The following AQP12B variants were observed in gnomAD, a reference collection of about 807,000 sequenced individuals.
AQP12B encodes the protein aquaporin 12B, also known as putative aquaporin-12B.
AQP12B carries 8 observed loss-of-function variants against 11.5 expected under a neutral mutation model. The observed-to-expected ratio is 0.70, with a 90% confidence interval of 0.41 to 1.26. The LOEUF (loss-of-function observed/expected upper bound fraction) is 1.26, where lower values mean the gene tolerates loss of function less well. Among genes scored for constraint, AQP12B ranks in the 50% most tolerant of loss-of-function variants. The pLI is 0.01. For missense variants in AQP12B, 247 were observed against 322.0 expected (o/e 0.77, Z 1.78); for synonymous variants, 123 against 158.0 (o/e 0.78, Z 1.66).
chr2:240,681,440 C>G (rs1443467773), intron 1 of AQP12B, among the ~76,000 whole-genome samples: 3 of 69,758 alleles, frequency 4.3e-5, no homozygotes, highest in African/African-American at 1.6e-4. Flanking sequence ...GGTGTCTGCC[C>G]AGTGCTGGGT....
chr2:240,683,495 C>T (rs138721345), upstream of AQP12B, among the ~76,000 whole-genome samples: 46 of 150,492 alleles, frequency 3.1e-4, no homozygotes, highest in Middle Eastern at 3.4e-3. Flanking sequence ...GTGAGTGCCC[C>T]CTGCTCCCTG....
chr2:240,682,706 C>G lies in AQP12B; in HGVS notation c.132G>C (p.Ala44=), dbSNP rs543814740. 7.3e-5 allele frequency: 118 copies of G among 1,613,386 alleles called. No individual in the cohort carries two copies. Among genetic ancestry groups the G allele is most frequent in the Non-Finnish European group, 3.2e-5 (38 of 1,179,808 alleles). Residue 44 remains alanine, a synonymous_variant, in exon 1 of 3, where the codon GCG becomes GCC. Coordinates refer to ENST00000407834, the MANE Select transcript of AQP12B (RefSeq NM_001102467.2). ...YEVFAREAVG[A]VQLGACFLEM... ...CCAGGAAGCAGGCCCCGAGCTGCAC[C>G]GCGCCCACCGCCTCCCGGGCGAAGA...
chr2:240,682,940 G>A (rs2043963907), upstream of AQP12B: 2 of 1,467,162 alleles, frequency 1.4e-6, no homozygotes, highest in Admixed American at 1.9e-5. Flanking sequence ...TGTGGGAGAG[G>A]GCACCTGGGC....
chr2:240,682,576 C>A lies in AQP12B; in HGVS notation c.262G>T (p.Asp88Tyr), dbSNP rs777816086. The A allele has an allele frequency of 4.3e-6, 7 of 1,613,284 alleles. No individual in the cohort carries two copies. The change falls in exon 1 of 3, where the codon GAC becomes TAC. Residue 88 changes from aspartate to tyrosine, a missense_variant. Asp to Tyr is a radical substitution (Grantham distance 160). Coordinates refer to ENST00000407834, the MANE Select transcript of AQP12B (RefSeq NM_001102467.2). ...LLFLAHGVTL[D>Y]GASANPTVSL... ...ACGGTGGGGTTGGCCGAGGCCCCGT[C>A]CAAGGTGACCCCGTGCGCCAGGAAG... is the stretch of plus-strand genomic sequence containing the variant.
Position 240,680,960 on chromosome 2 carries a change from G to A in AQP12B, c.608-492C>T, listed in dbSNP as rs1199104110. ...GACAGAGAGAGAGAGGAGAGACAGA[G>A]AGAGATCTCAGAAATAAAGGAGCAG... On this transcript the variant is annotated intron_variant, in intron 1 of 2. Transcript: ENST00000407834. Among the ~76,000 whole-genome samples, 2 of 95,836 alleles carry A rather than the reference G, an allele frequency of 2.1e-5. 1 individual carries two copies. Among genetic ancestry groups the A allele is most frequent in the African/African-American group, 1.2e-4 (2 of 17,162 alleles). The allele number at this position is 95,836 out of a possible 152,430, so 62.9% of individuals were successfully genotyped here.
At position 240,680,880 on chromosome 2, in the gene AQP12B, G is replaced by GAC. The variant is rs1475341943; in HGVS notation, c.608-414_608-413dup. Reference sequence around the variant, plus strand: ...AAAAAGACACAGAGAGAGACAGGGAGACAGAGAGAGAGGAGAGACAGAGAG... The same window carrying GAC: ...AAAAAGACACAGAGAGAGACAGGGAGACACAGAGAGAGAGGAGAGACAGAGAG... On this transcript the variant is annotated intron_variant, in intron 1 of 2. Transcript: ENST00000407834. 2.3e-4 allele frequency among the ~76,000 whole-genome samples: 13 copies of GAC among 56,454 alleles called. 1 individual carries two copies. Among genetic ancestry groups the GAC allele is most frequent in the Middle Eastern group, 9.8e-3 (1 of 102 alleles). The allele number at this position is 56,454 out of a possible 152,430, so 37.0% of individuals were successfully genotyped here.
At chr2:240,683,567 G>A (rs1178040984), upstream of AQP12B, among the ~76,000 whole-genome samples, 32 of 151,998 alleles carry the variant, frequency 2.1e-4, no homozygotes, top group Admixed American at 5.9e-4. Flanking sequence ...CTGCCTATGG[G>A]AAGGTCCTCT....
rs759871170 is a variant in AQP12B, at chr2:240,682,312, T to C, written c.526A>G (p.Thr176Ala). The C allele has an allele frequency of 1.3e-6, 2 of 1,496,654 alleles. No individual in the cohort carries two copies. Among genetic ancestry groups the C allele is most frequent in the Non-Finnish European group, 9.0e-7 (1 of 1,108,814 alleles). 92.7% of individuals were successfully genotyped at this position (1,496,654 alleles called of 1,614,324 possible). ...GGACTGTGCCGCAGGTGCAGGAGGG[T>C]CAGATGGAAACAAAAGGCGCAGGCG... ...EAACAFCFHL[T>A]LLHLRHSPPA... Residue 176 changes from threonine (T) to alanine (A), a missense_variant, in exon 1 of 3, where the codon ACC (threonine) becomes GCC (alanine). Thr to Ala is a moderately conservative substitution (Grantham distance 58). Transcript: ENST00000407834.
chr2:240,677,994 T>TG (rs1472252371), intron 2 of AQP12B: 3 of 8,256 alleles, frequency 3.6e-4, no homozygotes, highest in African/African-American at 1.2e-3. Flanking sequence ...CAATTCCGCA[T>TG]GGGAAGCTCC....
Position 240,682,581 on chromosome 2 carries a change from G to A in AQP12B, c.257C>T (p.Thr86Ile). 1 of 1,613,428 alleles carries A rather than the reference G, an allele frequency of 6.2e-7. No homozygotes were observed. Among genetic ancestry groups the A allele is most frequent in the East Asian group, 2.2e-5 (1 of 44,858 alleles). ...GGGGTTGGCCGAGGCCCCGTCCAAGGTGACCCCGTGCGCCAGGAAGAGCAG... is the reference window on the plus strand; with the variant it reads ...GGGGTTGGCCGAGGCCCCGTCCAAGATGACCCCGTGCGCCAGGAAGAGCAG... ...LFLLFLAHGV[T>I]LDGASANPTV... is the part of the protein sequence containing the mutation. The change falls in exon 1 of 3, where the codon ACC becomes ATC. Residue 86 changes from threonine (T) to isoleucine (I), a missense_variant. Thr to Ile is a moderately conservative substitution (Grantham distance 89). This residue lies in a region of AQP12B where 206 missense variants were observed against 173.2 expected (regional missense o/e 1.19). Transcript: ENST00000407834.
chr2:240,682,451 C>T lies in AQP12B; in HGVS notation c.387G>A (p.Thr129=), dbSNP rs187476959. The change falls in exon 1 of 3, where the codon ACG becomes ACA. Residue 129 remains threonine, a synonymous_variant. Coordinates refer to ENST00000407834, the MANE Select transcript of AQP12B (RefSeq NM_001102467.2). ...TGAGCTCCCAGGCCCAGCAGAGGCG[C>T]GTCAGGGTGCAGGCGGCCTGCATGC... ...GLGMQAACTL[T]RLCWAWELSD... is the part of the protein sequence containing the mutation. The T allele has an allele frequency of 5.1e-4, 818 of 1,609,016 alleles. 10 individuals are homozygous for T. In the African/African-American group the frequency reaches 9.5e-3, roughly 19 times the overall value.
At chr2:240,681,331 C>T (rs1245418011) in intron 1 of AQP12B, among the ~76,000 whole-genome samples, 1 of 48,658 alleles carries the variant, frequency 2.1e-5, no homozygotes, top group Non-Finnish European at 4.0e-5. Context: ...GCCACAGAGC[C>T]GTGTCCCTGC....
Position 240,682,569 on chromosome 2 carries a change from G to T in AQP12B, c.269C>A (p.Ala90Asp). 1.2e-6 allele frequency: 2 copies of T among 1,613,340 alleles called. No individual in the cohort carries two copies. The highest frequency in any genetic ancestry group is 1.7e-6 in the Non-Finnish European group (2 of 1,179,844). The change falls in exon 1 of 3, where the codon GCC becomes GAC. Residue 90 changes from alanine to aspartate, a missense_variant. By Grantham distance (126) the Ala-to-Asp change is moderately radical. Around this residue, in one of 4 missense-constraint regions of AQP12B, gnomAD observed 206 missense variants for 173.2 expected, o/e 1.19. Transcript: ENST00000407834. ...FLAHGVTLDG[A>D]SANPTVSLQE... ...CAGGGACACGGTGGGGTTGGCCGAG[G>T]CCCCGTCCAAGGTGACCCCGTGCGC...
upstream of AQP12B, among the ~76,000 whole-genome samples, chr2:240,683,093 C>T (rs565251530): frequency 2.0e-5 from 3 of 151,462 alleles, no homozygotes; most frequent in East Asian, 2.0e-4. Flanking sequence ...TGGCCACGCT[C>T]GGCCAGCCCT....
Position 240,682,493 on chromosome 2 carries a change from C to G in AQP12B, c.345G>C (p.Leu115=). The G allele has an allele frequency of 1.2e-6, 2 of 1,612,002 alleles. No homozygotes were observed. Among genetic ancestry groups the G allele is most frequent in the Non-Finnish European group, 1.7e-6 (2 of 1,179,652 alleles). ...CCTGCATGCCCAGCCCCTGTGCCGC[C>G]AGCTTCAGCAGCGTGCCAGGCAGAG... is the stretch of plus-strand genomic sequence containing the variant. ...EESLPGTLLK[L]AAQGLGMQAA... The change falls in exon 1 of 3, where the codon CTG becomes CTC. Residue 115 remains leucine (L), a synonymous_variant. Coordinates refer to ENST00000407834, the MANE Select transcript of AQP12B (RefSeq NM_001102467.2).
chr2:240,683,078 T>C (rs140654718), upstream of AQP12B, among the ~76,000 whole-genome samples: 1,400 of 146,372 alleles, frequency 9.6e-3, 18 homozygotes, highest in African/African-American at 0.027. Context: ...CACACCCGGA[T>C]CCACTGGCCA....
intron 2 of AQP12B, 142 bp downstream of exon 2, chr2:240,680,210 A>AC: frequency 1.8e-5 from 22 of 1,237,072 alleles, no homozygotes; most frequent in Non-Finnish European, 2.6e-5. Context: ...CACAGCCCCT[A>AC]CCCCCCAAAC....
Position 240,682,518 on chromosome 2 carries a change from G to C in AQP12B, c.320C>G (p.Ser107Cys), listed in dbSNP as rs1465433396. Residue 107 changes from serine to cysteine, a missense_variant, in exon 1 of 3, where the codon TCT (serine) becomes TGT (cysteine). Around this residue, in one of 4 missense-constraint regions of AQP12B, gnomAD observed 206 missense variants for 173.2 expected, o/e 1.19. Transcript: ENST00000407834. ...SLQEFLMAEE[S>C]LPGTLLKLAA... ...CAGCTTCAGCAGCGTGCCAGGCAGA[G>C]ACTCCTCGGCCATGAGGAACTCCTG... The C allele has an allele frequency of 1.2e-6, 2 of 1,612,660 alleles. No homozygotes were observed. The highest frequency in any genetic ancestry group is 1.3e-5 in the African/African-American group (1 of 74,896).
chr2:240,683,087 C>A (rs1311680495), upstream of AQP12B, among the ~76,000 whole-genome samples: 2 of 151,350 alleles, frequency 1.3e-5, no homozygotes, highest in African/African-American at 4.8e-5. Context: ...ATCCACTGGC[C>A]ACGCTCGGCC....
Sources: gnomAD v4.1 joint callset for allele counts (sites outside exome capture counted in the v4.1 genomes callset) on GRCh38, gnomAD v4.1.1 for gene constraint, gnomAD v4.1.1 regional missense constraint, MANE v1.5 for transcripts, NCBI Gene and HGNC (gene_info 2026-07-23, HGNC 2026-07-21) for gene names.